The following CEACAM5 variants were observed in gnomAD, a reference collection of about 807,000 sequenced individuals.
CEACAM5 encodes the protein CEA cell adhesion molecule 5.
In CEACAM5, 52 loss-of-function variants were observed where a neutral mutation model predicts 63.0. The observed-to-expected ratio is 0.83, with a 90% CI of 0.66 to 1.04. CEACAM5 has a LOEUF of 1.04. CEACAM5 is among the 50% of genes least tolerant of loss of function. CEACAM5 has a pLI of 0.00. For synonymous variants in CEACAM5, 357 were observed against 351.3 expected (o/e 1.02, Z -0.18); for missense variants, 790 against 864.8 (o/e 0.91, Z 1.08).
Position 41,715,206 on chromosome 19 carries a change from A to G in CEACAM5, c.660A>G (p.Pro220=). The change falls in exon 3 of 10, where the codon CCA becomes CCG. Residue 220 remains proline (P), a synonymous_variant. Coordinates refer to ENST00000221992, the MANE Select transcript of CEACAM5 (RefSeq NM_004363.6). ...TASYKCETQN[P]VSARRSDSVI... Reference sequence around the variant, plus strand: ...GCTACAAATGTGAAACCCAGAACCCAGTGAGTGCCAGGCGCAGTGATTCAG... The same window carrying G: ...GCTACAAATGTGAAACCCAGAACCCGGTGAGTGCCAGGCGCAGTGATTCAG... The G allele has an allele frequency of 2.5e-6, 4 of 1,614,254 alleles. No individual in the cohort carries two copies. Among genetic ancestry groups the G allele is most frequent in the Non-Finnish European group, 3.4e-6 (4 of 1,180,050 alleles).
intron 4 of CEACAM5, among the ~76,000 whole-genome samples, chr19:41,716,515 G>A (rs543104039): frequency 2.0e-4 from 31 of 152,296 alleles, no homozygotes; most frequent in Non-Finnish European, 3.1e-4. Context: ...GCTTCCCTTC[G>A]TCCCAGTCAG....
At chr19:41,716,803 G>A (rs530395365) in intron 4 of CEACAM5, among the ~76,000 whole-genome samples, 1 of 152,280 alleles carries the variant, frequency 6.6e-6, no homozygotes, top group Admixed American at 6.5e-5. Context: ...CAGTTCAGTG[G>A]TATTAAATAT....
At chr19:41,728,785 T>TAAAAAAAAA (rs1600482568) in intron 9 of CEACAM5, among the ~76,000 whole-genome samples, 2 of 43,186 alleles carry the variant, frequency 4.6e-5, no homozygotes, top group Admixed American at 2.5e-4. Context: ...AGACTCCGTC[T>TAAAAAAAAA]CAAAAAAAAA....
At chr19:41,722,891 T>TTTTGTTTGTTTGTTTG (rs372037041) in intron 8 of CEACAM5, among the ~76,000 whole-genome samples, 2 of 151,838 alleles carry the variant, frequency 1.3e-5, no homozygotes, top group Non-Finnish European at 2.9e-5. Flanking sequence ...TAATTCTTTT[T>TTTTGTTTGTTTGTTTG]TTTGTTTGTT....
At chr19:41,728,279 T>G (rs1256614779) in intron 9 of CEACAM5, among the ~76,000 whole-genome samples, 1 of 152,188 alleles carries the variant, frequency 6.6e-6, no homozygotes, top group East Asian at 1.9e-4. Flanking sequence ...ACGGAAAATA[T>G]AGCTACACAT....
At chr19:41,714,431 G>A (rs556263657) in intron 2 of CEACAM5, among the ~76,000 whole-genome samples, 2 of 152,316 alleles carry the variant, frequency 1.3e-5, no homozygotes, top group East Asian at 3.9e-4. Context: ...CTTGCCTCTG[G>A]TGTCCCCTGT....
chr19:41,711,501 C>T (rs1383554896), intron 2 of CEACAM5, among the ~76,000 whole-genome samples: 1 of 152,150 alleles, frequency 6.6e-6, no homozygotes, highest in Non-Finnish European at 1.5e-5. Flanking sequence ...GTTCTGACCA[C>T]ACCTGTTCCG....
At position 41,708,751 on chromosome 19, in the gene CEACAM5, C is replaced by T. The variant is rs1239120122; in HGVS notation, c.20C>T (p.Pro7Leu). The change falls in exon 1 of 10, where the codon CCT becomes CTT. Residue 7 changes from proline (P) to leucine (L), a missense_variant. By Grantham distance (98) the Pro-to-Leu change is moderately conservative. Transcript: ENST00000221992. ...GAGACCATGGAGTCTCCCTCGGCCC[C>T]TCCCCACAGATGGTGCATCCCCTGG... MESPSA[P>L]PHRWCIPWQR... is the part of the protein sequence containing the mutation. 1.9e-6 allele frequency: 3 copies of T among 1,611,808 alleles called. No individual in the cohort carries two copies. The Admixed American group carries it at 5.0e-5, about 27-fold the overall frequency.
chr19:41,715,138 A>C lies in CEACAM5; in HGVS notation c.592A>C (p.Arg198=), dbSNP rs544794929. The change falls in exon 3 of 10, where the codon AGG becomes CGG. Residue 198 remains arginine (R), a synonymous_variant. Transcript: ENST00000221992. ...SPRLQLSNGN[R]TLTLFNVTRN... ...CAGGCTGCAGCTGTCCAATGGCAAC[A>C]GGACCCTCACTCTATTCAATGTCAC... 3.1e-6 allele frequency: 5 copies of C among 1,614,234 alleles called. No individual in the cohort carries two copies. Among genetic ancestry groups the C allele is most frequent in the Non-Finnish European group, 4.2e-6 (5 of 1,180,042 alleles).
Position 41,720,066 on chromosome 19 carries a change from C to G in CEACAM5, c.1629C>G (p.Val543=). The change falls in exon 7 of 10, where the codon GTC becomes GTG. Residue 543 remains valine, a synonymous_variant. Coordinates refer to ENST00000221992, the MANE Select transcript of CEACAM5 (RefSeq NM_004363.6). ...LWWVNGQSLP[V]SPRLQLSNGN... is the part of the protein sequence containing the mutation. ...GGGTAAATGGTCAGAGCCTCCCAGTCAGTCCCAGGCTGCAGCTGTCCAATG... is the reference window on the plus strand; with the variant it reads ...GGGTAAATGGTCAGAGCCTCCCAGTGAGTCCCAGGCTGCAGCTGTCCAATG... 1 of 1,614,246 alleles carries G rather than the reference C, an allele frequency of 6.2e-7. No individual in the cohort carries two copies. The highest frequency in any genetic ancestry group is 8.5e-7 in the Non-Finnish European group (1 of 1,180,046).
rs782427312 is a variant in CEACAM5 at position 41,715,364 on chromosome 19, C to T, written c.703+115C>T. ...TACACAGACCCTCAACCCTGGACAT[C>T]CAGACTGTCTGTGACTTTCTGCCCC... On this transcript the variant is annotated intron_variant, in intron 3 of 9. Transcript: ENST00000221992. 4 of 1,463,118 alleles carry T rather than the reference C, an allele frequency of 2.7e-6. No homozygotes were observed. In the Admixed American group the frequency reaches 6.8e-5, roughly 25 times the overall value. The allele number at this position is 1,463,118 out of a possible 1,614,324, so 90.6% of individuals were successfully genotyped here.
Position 41,715,730 on chromosome 19 carries a change from GCCTCT to G in CEACAM5, c.785_789del (p.Ala262GlufsTer30). 1 of 1,614,134 alleles carries G rather than the reference GCCTCT, an allele frequency of 6.2e-7. No homozygotes were observed. Among genetic ancestry groups the G allele is most frequent in the Non-Finnish European group, 8.5e-7 (1 of 1,180,024 alleles). ...AAATCTGAACCTCTCCTGCCACGCA[GCCTCT>G]AACCCACCTGCACAGTACTCTTGGT... is the stretch of plus-strand genomic sequence containing the variant. On this transcript the variant is annotated frameshift_variant, in exon 4 of 10. Coordinates refer to ENST00000221992, the MANE Select transcript of CEACAM5 (RefSeq NM_004363.6). LOFTEE classifies it high-confidence loss of function.
Position 41,715,724 on chromosome 19 carries a change from C to T in CEACAM5, c.778C>T (p.His260Tyr). 1 of 1,614,164 alleles carries T rather than the reference C, an allele frequency of 6.2e-7. No individual in the cohort carries two copies. The highest frequency in any genetic ancestry group is 8.5e-7 in the Non-Finnish European group (1 of 1,180,032). Residue 260 changes from histidine (H) to tyrosine (Y), a missense_variant, in exon 4 of 10, where the codon CAC becomes TAC. By Grantham distance (83) the His-to-Tyr change is moderately conservative. Transcript: ENST00000221992. ...AGGGGAAAATCTGAACCTCTCCTGC[C>T]ACGCAGCCTCTAACCCACCTGCACA... ...RSGENLNLSC[H>Y]AASNPPAQYS... is the part of the protein sequence containing the mutation.
At chr19:41,710,060 C>T in intron 2 of CEACAM5, 21 bp downstream of exon 2, 1 of 1,582,472 alleles carries the variant, frequency 6.3e-7, no homozygotes, top group Non-Finnish European at 8.6e-7. Context: ...CCCCCATGAC[C>T]TCTGGGTGTT....
At position 41,708,785 on chromosome 19, in the gene CEACAM5, C is replaced by T. The variant is rs888173494; in HGVS notation, c.54C>T (p.Leu18=). 1.2e-6 allele frequency: 2 copies of T among 1,611,572 alleles called. No individual in the cohort carries two copies. Among genetic ancestry groups the T allele is most frequent in the Non-Finnish European group, 8.5e-7 (1 of 1,178,794 alleles). ...PHRWCIPWQR[L]LLTASLLTFW... ...GATGGTGCATCCCCTGGCAGAGGCTCCTGCTCACAGGTGAAGGGAGGACAA... is the reference window on the plus strand; with the variant it reads ...GATGGTGCATCCCCTGGCAGAGGCTTCTGCTCACAGGTGAAGGGAGGACAA... Residue 18 remains leucine (L), a synonymous_variant, in exon 1 of 10, where the codon CTC becomes CTT. Transcript: ENST00000221992.
intron 2 of CEACAM5, among the ~76,000 whole-genome samples, chr19:41,712,389 A>C (rs7257798): frequency 0.21 from 31,533 of 152,214 alleles, 4,050 homozygotes; most frequent in African/African-American, 0.35. Context: ...CCCAGTTACA[A>C]AAACTTAAAC....
Position 41,720,958 on chromosome 19 carries a change from C to A in CEACAM5, c.1808C>A (p.Ser603Ter). ...PDTPIISPPD[S>*]SYLSGANLNL... ...ACCCCCATCATTTCCCCCCCAGACTCGTCTTACCTTTCGGGAGCGAACCTC... is the reference window on the plus strand; with the variant it reads ...ACCCCCATCATTTCCCCCCCAGACTAGTCTTACCTTTCGGGAGCGAACCTC... Residue 603 changes from serine to a stop codon, truncating the protein, a stop_gained, in exon 8 of 10, where the codon TCG becomes TAG. Coordinates refer to ENST00000221992, the MANE Select transcript of CEACAM5 (RefSeq NM_004363.6). LOFTEE classifies it high-confidence loss of function. 6.2e-7 allele frequency: 1 copy of A among 1,614,092 alleles called. No homozygotes were observed. Among genetic ancestry groups the A allele is most frequent in the Non-Finnish European group, 8.5e-7 (1 of 1,180,020 alleles).
At chr19:41,719,102 A>T (rs1354827697) in intron 6 of CEACAM5, among the ~76,000 whole-genome samples, 1 of 152,178 alleles carries the variant, frequency 6.6e-6, no homozygotes, top group Non-Finnish European at 1.5e-5. Flanking sequence ...GGCACAGCAC[A>T]TGGGACACAG....
intron 6 of CEACAM5, 37 bp from the exon 7 acceptor site, chr19:41,719,893 G>A: frequency 6.2e-7 from 1 of 1,611,902 alleles, no homozygotes; most frequent in Non-Finnish European, 8.5e-7. Flanking sequence ...AATCAAAAGT[G>A]CCACACAGGG....
Sources: allele counts gnomAD v4.1 joint callset (sites outside exome capture counted in the v4.1 genomes callset), GRCh38; gene constraint gnomAD v4.1.1; transcripts MANE v1.5; gene names NCBI Gene and HGNC (gene_info 2026-07-23, HGNC 2026-07-21).